IQCM: variants seen among roughly 807,000 people sequenced by gnomAD.
IQCM encodes IQ motif containing M, also known as IQ domain-containing protein M.
In IQCM, 45 loss-of-function variants were observed where a neutral mutation model predicts 57.6. The observed-to-expected ratio is 0.78, with a 90% confidence interval of 0.62 to 1.00. The LOEUF is 1.00. Among genes scored for constraint, IQCM ranks in the 50% least tolerant of loss-of-function variants. The probability of loss-of-function intolerance (pLI) is 0.00; values close to 1 mark genes in which losing one functional copy is unlikely to be tolerated. For missense variants in IQCM, 468 were observed against 511.6 expected (o/e 0.91, Z 0.82); for synonymous variants, 148 against 158.9 (o/e 0.93, Z 0.51).
At chr4:149,637,849 T>C (rs1030488578) in intron 7 of IQCM, among the ~76,000 whole-genome samples, 1 of 152,178 alleles carries the variant, frequency 6.6e-6, no homozygotes, top group Non-Finnish European at 1.5e-5. Flanking sequence ...GGTCAAAATA[T>C]GTAAGCTAAA....
At chr4:149,359,823 T>C (rs17624486) in intron 13 of IQCM, among the ~76,000 whole-genome samples, 27,311 of 152,148 alleles carry the variant, frequency 0.18, 2,978 homozygotes, top group Non-Finnish European at 0.25. Context: ...TTAAAATTAA[T>C]CTTTGTAGAG....
chr4:149,400,999 T>A (rs1732581490), intron 13 of IQCM, among the ~76,000 whole-genome samples: 1 of 151,856 alleles, frequency 6.6e-6, no homozygotes, highest in Non-Finnish European at 1.5e-5. Flanking sequence ...TTGCTTGTTT[T>A]TTATCAGCAA....
intron 5 of IQCM, among the ~76,000 whole-genome samples, chr4:149,724,850 T>C (rs943883692): frequency 3.3e-5 from 5 of 152,032 alleles, no homozygotes; most frequent in South Asian, 2.1e-4. Flanking sequence ...ATTTTATATA[T>C]ATTACAAAAA....
intron 5 of IQCM, 87 bp downstream of exon 5, chr4:149,733,157 A>G (rs1766618336): frequency 8.8e-7 from 1 of 1,133,090 alleles, no homozygotes; most frequent in Non-Finnish European, 1.1e-6. Context: ...GAATTATTTG[A>G]AAAAGAAAAT....
chr4:149,616,071 C>T (rs928843822), intron 8 of IQCM, among the ~76,000 whole-genome samples: 4 of 152,042 alleles, frequency 2.6e-5, no homozygotes, highest in Non-Finnish European at 5.9e-5. Context: ...CAGAGAAATA[C>T]ATTATATTCT....
chr4:149,511,802 T>C (rs1391279249), intron 12 of IQCM, among the ~76,000 whole-genome samples: 1 of 152,178 alleles, frequency 6.6e-6, no homozygotes, highest in African/African-American at 2.4e-5. Flanking sequence ...TAATGTGTAC[T>C]GAGTAAATAT....
chr4:149,428,653 T>C (rs1734618404), intron 13 of IQCM, among the ~76,000 whole-genome samples: 1 of 151,860 alleles, frequency 6.6e-6, no homozygotes, highest in Non-Finnish European at 1.5e-5. Context: ...AGGATGATTA[T>C]CTAAATTGCT....
intron 7 of IQCM, among the ~76,000 whole-genome samples, chr4:149,649,346 G>C (rs1427170324): frequency 6.6e-6 from 1 of 152,000 alleles, no homozygotes; most frequent in Non-Finnish European, 1.5e-5. Context: ...CCTAGGCCCT[G>C]ACTGTTTCCC....
chr4:149,384,639 G>C (rs1439744973), intron 13 of IQCM, among the ~76,000 whole-genome samples: 1 of 151,874 alleles, frequency 6.6e-6, no homozygotes, highest in Non-Finnish European at 1.5e-5. Context: ...AAGCCCCTGG[G>C]TCTAACTACC....
chr4:149,724,443 A>G (rs10027505), intron 5 of IQCM, among the ~76,000 whole-genome samples: 38,420 of 151,700 alleles, frequency 0.25, 4,969 homozygotes, highest in African/African-American at 0.3. Flanking sequence ...TGATTTGGAG[A>G]CCAAGGAACA....
In IQCM at chr4:149,771,262, C is replaced by T. The variant is rs1320876318; in HGVS notation, c.-48-28523G>A. 3.9e-5 allele frequency among the ~76,000 whole-genome samples: 6 copies of T among 152,010 alleles called. No individual in the cohort carries two copies. In the South Asian group the frequency reaches 6.2e-4, roughly 16 times the overall value. ...ATCTACTGTTTTTAAAAATGTCCTA[C>T]TAAATTTTTGTCTTCGAATTGTCAT... On this transcript the variant is annotated intron_variant, in intron 2 of 13. Transcript: ENST00000636793.
chr4:149,722,342 T>G (rs1440275933), intron 5 of IQCM, among the ~76,000 whole-genome samples: 2 of 151,956 alleles, frequency 1.3e-5, no homozygotes, highest in East Asian at 3.8e-4. Flanking sequence ...AGTTTTCTTT[T>G]GAGAATTTAC....
At chr4:149,541,403 GT>G (rs1291545502) in intron 12 of IQCM, among the ~76,000 whole-genome samples, 1 of 151,900 alleles carries the variant, frequency 6.6e-6, no homozygotes, top group African/African-American at 2.4e-5. Flanking sequence ...TCGTTGTTGA[GT>G]TTTTTTGATT....
At chr4:149,443,821 GA>G (rs1274566587) in intron 12 of IQCM, among the ~76,000 whole-genome samples, 1 of 151,798 alleles carries the variant, frequency 6.6e-6, no homozygotes, top group East Asian at 1.9e-4. Flanking sequence ...AAGACTTGTA[GA>G]AAAAGTACAA....
chr4:149,595,987 C>T (rs1310986637), intron 8 of IQCM, among the ~76,000 whole-genome samples: 1 of 152,168 alleles, frequency 6.6e-6, no homozygotes, highest in East Asian at 1.9e-4. Flanking sequence ...TTAGGAAAGA[C>T]TGGAGAAGAT....
At chr4:149,381,421 CT>C (rs1731067479) in intron 13 of IQCM, among the ~76,000 whole-genome samples, 1 of 152,064 alleles carries the variant, frequency 6.6e-6, no homozygotes, top group African/African-American at 2.4e-5. Context: ...ATGGCATCTC[CT>C]CTTTCACTGT....
At chr4:149,650,632 C>T (rs1034301152) in intron 7 of IQCM, among the ~76,000 whole-genome samples, 1 of 152,120 alleles carries the variant, frequency 6.6e-6, no homozygotes, top group African/African-American at 2.4e-5. Context: ...TCGGATGATA[C>T]ACCCACCTCG....
At chr4:149,782,740 C>G (rs368668025) in intron 2 of IQCM, among the ~76,000 whole-genome samples, 2 of 150,786 alleles carry the variant, frequency 1.3e-5, no homozygotes, top group Non-Finnish European at 3.0e-5. Context: ...GTAACTGATA[C>G]CTTTAAAAAA....
chr4:149,780,094 T>C (rs911475326), intron 2 of IQCM: 5 of 152,114 alleles, frequency 3.3e-5, no homozygotes, highest in Non-Finnish European at 5.9e-5. Context: ...AGCCATCAAG[T>C]CTATGTCAAT....
Sources: gnomAD v4.1 joint callset for allele counts (sites outside exome capture counted in the v4.1 genomes callset) on GRCh38, gnomAD v4.1.1 for gene constraint, MANE v1.5 for transcripts, NCBI Gene and HGNC (gene_info 2026-07-23, HGNC 2026-07-21) for gene names.